The following OPCML variants were observed in gnomAD, a reference collection of about 807,000 sequenced individuals.
OPCML encodes the protein opioid-binding protein/cell adhesion molecule.
In OPCML, 13 loss-of-function variants were observed where a neutral mutation model predicts 37.8. That is an observed-to-expected ratio of 0.34 (90% CI 0.22 to 0.55). OPCML has a LOEUF of 0.55. Among genes scored for constraint, OPCML ranks in the 20% least tolerant of loss-of-function variants. The pLI is 0.91. For missense variants in OPCML, 341 were observed against 435.6 expected (o/e 0.78, Z 1.93); for synonymous variants, 176 against 168.8 (o/e 1.04, Z -0.33).
chr11:133,175,571 CA>C (rs1193759817), intron 1 of OPCML, among the ~76,000 whole-genome samples: 2 of 150,808 alleles, frequency 1.3e-5, no homozygotes, highest in Non-Finnish European at 2.9e-5. Flanking sequence ...TTTCTCTGTT[CA>C]CACATTTAAT....
At chr11:133,373,446 T>TATATATATATATATAC (rs1482064315) in intron 1 of OPCML, among the ~76,000 whole-genome samples, 10 of 133,318 alleles carry the variant, frequency 7.5e-5, no homozygotes, top group Non-Finnish European at 1.6e-4. Context: ...TATATATATA[T>TATATATATATATATAC]ATACACACAC....
At chr11:132,937,972 C>G (rs536717477) in intron 2 of OPCML, among the ~76,000 whole-genome samples, 1 of 152,034 alleles carries the variant, frequency 6.6e-6, no homozygotes, top group East Asian at 2.0e-4. Flanking sequence ...GTGGATTCAA[C>G]TGTCCCCTCT....
intron 1 of OPCML, among the ~76,000 whole-genome samples, chr11:133,483,336 A>AGATAGATAGATAGATAGATG (rs1947421729): frequency 1.3e-5 from 2 of 151,994 alleles, no homozygotes; most frequent in Non-Finnish European, 2.9e-5. Context: ...ATAGATAGAT[A>AGATAGATAGATAGATAGATG]GATAATAGAT....
chr11:133,408,626 A>C (rs1283553530), intron 1 of OPCML, among the ~76,000 whole-genome samples: 1 of 152,128 alleles, frequency 6.6e-6, no homozygotes, highest in Non-Finnish European at 1.5e-5. Flanking sequence ...ACCCAGAGGC[A>C]GGGCTGCTCA....
chr11:132,867,231 G>A (rs1471993860), intron 2 of OPCML, among the ~76,000 whole-genome samples: 1 of 152,156 alleles, frequency 6.6e-6, no homozygotes, highest in African/African-American at 2.4e-5. Flanking sequence ...CGTCTTGATG[G>A]GAATGGAAAA....
At chr11:132,439,383 G>A (rs886448833) in intron 4 of OPCML, among the ~76,000 whole-genome samples, 26 of 152,160 alleles carry the variant, frequency 1.7e-4, no homozygotes, top group African/African-American at 2.9e-4. Context: ...CAGAGCATGC[G>A]CCACCTGGGT....
At chr11:132,717,938 C>T (rs1944549956) in intron 2 of OPCML, among the ~76,000 whole-genome samples, 1 of 152,206 alleles carries the variant, frequency 6.6e-6, no homozygotes, top group Non-Finnish European at 1.5e-5. Context: ...AGGTAGATGG[C>T]CCTGCAACCA....
At chr11:133,047,401 T>C (rs1948036900) in intron 1 of OPCML, among the ~76,000 whole-genome samples, 1 of 152,236 alleles carries the variant, frequency 6.6e-6, no homozygotes, top group Non-Finnish European at 1.5e-5. Flanking sequence ...CTTTGATAAA[T>C]ATGTTTCCTT....
chr11:133,023,976 G>A (rs4399339), intron 1 of OPCML, among the ~76,000 whole-genome samples: 18,076 of 152,218 alleles, frequency 0.12, 1,466 homozygotes, highest in Admixed American at 0.26. Context: ...CCAGCAGCAT[G>A]GATCAGACCC....
chr11:133,257,397 G>C (rs559405276), intron 1 of OPCML, among the ~76,000 whole-genome samples: 1 of 152,308 alleles, frequency 6.6e-6, no homozygotes, highest in Non-Finnish European at 1.5e-5. Flanking sequence ...TTGAAACAAA[G>C]TCATAGTTTC....
chr11:132,581,871 G>A (rs1045017376), intron 3 of OPCML, among the ~76,000 whole-genome samples: 4 of 151,898 alleles, frequency 2.6e-5, no homozygotes, highest in Non-Finnish European at 4.4e-5. Flanking sequence ...GGAATTCCAA[G>A]GCATTCCAGG....
At chr11:132,552,721 G>A (rs2096384732) in intron 3 of OPCML, among the ~76,000 whole-genome samples, 1 of 146,988 alleles carries the variant, frequency 6.8e-6, no homozygotes, top group Non-Finnish European at 1.5e-5. Flanking sequence ...CCTGTCTAAA[G>A]CATCTTGGAC....
At chr11:133,355,265 G>A (rs1944257048) in intron 1 of OPCML, among the ~76,000 whole-genome samples, 1 of 152,194 alleles carries the variant, frequency 6.6e-6, no homozygotes. Flanking sequence ...ACAAAACGAG[G>A]TCTCTGTTGC....
chr11:132,433,660 T>G (rs1478179641), intron 7 of OPCML, among the ~76,000 whole-genome samples: 1 of 152,190 alleles, frequency 6.6e-6, no homozygotes, highest in Non-Finnish European at 1.5e-5. Context: ...GTGGCACCTA[T>G]AGGGAAGTAA....
intron 4 of OPCML, among the ~76,000 whole-genome samples, chr11:132,502,296 T>C (rs1043171374): frequency 2.6e-5 from 4 of 152,310 alleles, no homozygotes; most frequent in East Asian, 3.9e-4. Context: ...CTTCCATTTT[T>C]ACTTTCTCTT....
At chr11:132,823,953 C>T (rs1008843005) in intron 2 of OPCML, among the ~76,000 whole-genome samples, 16 of 152,142 alleles carry the variant, frequency 1.1e-4, no homozygotes, top group African/African-American at 3.9e-4. Flanking sequence ...GGCTCCTGCT[C>T]TGTTCATCAC....
chr11:133,516,435 G>A (rs184279472), intron 1 of OPCML, among the ~76,000 whole-genome samples: 17 of 152,184 alleles, frequency 1.1e-4, no homozygotes, highest in Admixed American at 2.0e-4. Context: ...TCACACCACC[G>A]CCGCCGGGGC....
In OPCML at chr11:133,099,406, G is replaced by A. The variant is rs532134375; in HGVS notation, c.62-156396C>T. On this transcript the variant is annotated intron_variant, in intron 1 of 7. Coordinates refer to ENST00000524381, the MANE Select transcript of OPCML (RefSeq NM_001012393.5). ...GCCTCCTGAGTAGCTGGGACTACAG[G>A]TGCTCACCACCACACCTGGCTAATT... Among the ~76,000 whole-genome samples the A allele has an allele frequency of 1.3e-4, 19 of 150,464 alleles. No individual in the cohort carries two copies. In the South Asian group the frequency reaches 2.6e-3, roughly 20 times the overall value.
rs557568878 is a variant in OPCML at position 132,926,732 on chromosome 11, G to A, written c.146+16194C>T. ...AAAAAAAATCTCCATAAGATTTTCCGGAAGAAACATAGACTTAAAACTTAC... is the reference window on the plus strand; with the variant it reads ...AAAAAAAATCTCCATAAGATTTTCCAGAAGAAACATAGACTTAAAACTTAC... On this transcript the variant is annotated intron_variant, in intron 2 of 7. Coordinates refer to ENST00000524381, the MANE Select transcript of OPCML (RefSeq NM_001012393.5). Among the ~76,000 whole-genome samples the A allele has an allele frequency of 6.6e-5, 10 of 151,962 alleles. No individual in the cohort carries two copies. The South Asian group carries it at 1.0e-3, about 16-fold the overall frequency.
Sources: gnomAD v4.1 joint callset for allele counts (sites outside exome capture counted in the v4.1 genomes callset) on GRCh38, gnomAD v4.1.1 for gene constraint, MANE v1.5 for transcripts, NCBI Gene and HGNC (gene_info 2026-07-23, HGNC 2026-07-21) for gene names.